BRD4: variants seen among roughly 807,000 people sequenced by gnomAD.
BRD4 encodes the protein bromodomain-containing protein 4.
A neutral mutation model predicts 142.1 loss-of-function variants in BRD4; 16 were observed. The observed-to-expected ratio is 0.11, with a 90% CI of 0.08 to 0.17. BRD4 has a LOEUF of 0.17. BRD4 is among the 10% of genes least tolerant of loss of function. BRD4 has a pLI of 1.00. For synonymous variants in BRD4, 833 were observed against 707.5 expected (o/e 1.18, Z -2.82); for missense variants, 1,424 against 1,810.9 (o/e 0.79, Z 3.88).
intron 7 of BRD4, 200 bp from the exon 8 acceptor site, chr19:15,257,373 T>C: frequency 1.7e-6 from 1 of 583,946 alleles, no homozygotes; most frequent in South Asian, 2.1e-5. Flanking sequence ...CACTCTTCTC[T>C]CAAATCTCAC....
rs2145516475 is a variant in BRD4 at position 15,244,470 on chromosome 19, G to A, written c.2342C>T (p.Pro781Leu). 2 of 1,546,068 alleles carry A rather than the reference G, an allele frequency of 1.3e-6. No individual in the cohort carries two copies. The highest frequency in any genetic ancestry group is 1.2e-5 in the South Asian group (1 of 85,252). Residue 781 changes from proline (P) to leucine (L), a missense_variant, in exon 13 of 20, where the codon CCC (proline) becomes CTC (leucine). Physicochemically the swap from Pro to Leu is moderately conservative, Grantham distance 98. Around this residue, in one of 16 missense-constraint regions of BRD4, gnomAD observed 598 missense variants for 647.8 expected, o/e 0.92. Transcript: ENST00000679869. ...QQQQQPPPPP[P>L]PPSMPQQAAP... The stretch of plus-strand genomic sequence containing the variant: ...TGCCTGCTGCGGCATGGAGGGTGGG[G>A]GAGGCGGGGGTGGCGGCTGCTGTTG...
rs767267574 is a variant in BRD4 at position 15,263,559 on chromosome 19, A to T, written c.1213-11T>A. ...GGCCTCCAGTTTAGACTGGAAAACA[A>T]GACAAGTCCCTGTTAGCTGTGTCTG... On this transcript the variant is annotated splice_polypyrimidine_tract_variant and intron_variant, in intron 6 of 19. Coordinates refer to ENST00000679869, the MANE Select transcript of BRD4 (RefSeq NM_001379291.1). The T allele has an allele frequency of 6.2e-7, 1 of 1,613,902 alleles. No homozygotes were observed. The highest frequency in any genetic ancestry group is 1.3e-5 in the African/African-American group (1 of 74,946).
At chr19:15,268,827 G>C (rs976077401) in intron 3 of BRD4, 78 bp downstream of exon 3, 3 of 1,541,208 alleles carry the variant, frequency 1.9e-6, no homozygotes, top group African/African-American at 1.4e-5. Context: ...CCCTGCCCAC[G>C]GGCTCCTGAC....
chr19:15,238,106 G>C lies in BRD4; in HGVS notation c.*271C>G. 1 of 493,104 alleles carries C rather than the reference G, an allele frequency of 2.0e-6. No individual in the cohort carries two copies. Among genetic ancestry groups the C allele is most frequent in the Non-Finnish European group, 3.6e-6 (1 of 274,118 alleles). The allele number at this position is 493,104 out of a possible 1,614,324, so 30.5% of individuals were successfully genotyped here. A position where few individuals can be genotyped will look rare whatever the true frequency, so the allele number is the denominator to read the frequency against. Reference sequence around the variant, plus strand: ...CCCGCATGTGGGGATGCAGGGCTTGGGTCCAGCCGGCACTTGCTCGTAACA... The same window carrying C: ...CCCGCATGTGGGGATGCAGGGCTTGCGTCCAGCCGGCACTTGCTCGTAACA... On this transcript the variant is annotated 3_prime_UTR_variant, in exon 20 of 20. Coordinates refer to ENST00000679869, the MANE Select transcript of BRD4 (RefSeq NM_001379291.1). The surrounding 1 kb of genome is among the most constrained non-coding windows in gnomAD (Gnocchi z 7.2).
intron 11 of BRD4, chr19:15,247,252 C>G (rs1486445256): frequency 4.3e-6 from 1 of 230,414 alleles, no homozygotes; most frequent in Admixed American, 5.7e-5. Context: ...GAGTCCCCAT[C>G]TGCACTGAGC....
chr19:15,321,586 G>C (rs1231854350), intron 1 of BRD4, among the ~76,000 whole-genome samples: 1 of 152,034 alleles, frequency 6.6e-6, no homozygotes, highest in Non-Finnish European at 1.5e-5. Context: ...AACAAGTACT[G>C]AAGTCATTGT....
chr19:15,328,701 G>A (rs1180185992), intron 1 of BRD4, among the ~76,000 whole-genome samples: 2 of 152,118 alleles, frequency 1.3e-5, no homozygotes, highest in African/African-American at 2.4e-5. Context: ...GCTCTTCTAG[G>A]CACAAGATAC....
chr19:15,328,636 T>C lies in BRD4; in HGVS notation c.-35+3654A>G, dbSNP rs115534410. 2.7e-3 allele frequency among the ~76,000 whole-genome samples: 410 copies of C among 152,364 alleles called. 3 individuals are homozygous for C. Among genetic ancestry groups the C allele is most frequent in the African/African-American group, 9.3e-3 (386 of 41,582 alleles). On this transcript the variant is annotated intron_variant, in intron 1 of 19. Transcript: ENST00000679869. ...ATTATTTGCATTTGGCATTACGGCA[T>C]GCAAAATTCTTGCTCAATTACTTCT...
In BRD4 at chr19:15,238,281, C is replaced by A; in HGVS notation, c.*96G>T. ...GCAGGAGGGCCAGGCCCTGAGGCATCCCCTGGCCGCTGATCCCACCTCCAC... is the reference window on the plus strand; with the variant it reads ...GCAGGAGGGCCAGGCCCTGAGGCATACCCTGGCCGCTGATCCCACCTCCAC... On this transcript the variant is annotated 3_prime_UTR_variant, in exon 20 of 20. Coordinates refer to ENST00000679869, the MANE Select transcript of BRD4 (RefSeq NM_001379291.1). The surrounding 1 kb of genome is among the most constrained non-coding windows in gnomAD (Gnocchi z 7.2). The A allele has an allele frequency of 3.2e-6, 5 of 1,570,114 alleles. No homozygotes were observed. Among genetic ancestry groups the A allele is most frequent in the Non-Finnish European group, 4.3e-6 (5 of 1,155,104 alleles).
chr19:15,310,363 C>CGT (rs1568407789), intron 1 of BRD4, among the ~76,000 whole-genome samples: 1 of 12,938 alleles, frequency 7.7e-5, no homozygotes, highest in African/African-American at 1.7e-4. Context: ...TGGATTCCCC[C>CGT]CCCCCCCCCC....
chr19:15,265,506 T>C lies in BRD4; in HGVS notation c.697A>G (p.Ile233Val). 6.2e-7 allele frequency: 1 copy of C among 1,612,912 alleles called. No individual in the cohort carries two copies. The change falls in exon 5 of 20, where the codon ATC becomes GTC. Residue 233 changes from isoleucine to valine, a missense_variant. Ile to Val is a conservative substitution (Grantham distance 29, BLOSUM62 3). This residue lies in a region of BRD4 where 140 missense variants were observed against 131.7 expected (regional missense o/e 1.06). Transcript: ENST00000679869. ...ACTGTCATGACAGGGGTCTGGACGA[T>C]GAGGTCCGGGGTGACGGCAGGGAAG... Reference protein sequence around the residue: ...HPFPAVTPDLIVQTPVMTVVP... With the variant: ...HPFPAVTPDLVVQTPVMTVVP...
chr19:15,271,584 C>T (rs2047587583), intron 2 of BRD4, among the ~76,000 whole-genome samples: 1 of 152,196 alleles, frequency 6.6e-6, no homozygotes, highest in Non-Finnish European at 1.5e-5. Context: ...TGCATCTGCT[C>T]TGAGAATTTC....
At chr19:15,294,487 G>GT (rs762513183) in intron 1 of BRD4, among the ~76,000 whole-genome samples, 1 of 152,272 alleles carries the variant, frequency 6.6e-6, no homozygotes. Flanking sequence ...GCGAAGCTTG[G>GT]TTATCTTGCC....
At chr19:15,331,858 CCCGCGGCGG>C (rs1389698771) in intron 1 of BRD4, 1 of 144,474 alleles carries the variant, frequency 6.9e-6, no homozygotes, top group African/African-American at 2.5e-5. Flanking sequence ...CGCCGCGGAC[CCCGCGGCGG>C]CCGCTTCCTC....
At chr19:15,290,352 G>A (rs1158463926) in intron 1 of BRD4, among the ~76,000 whole-genome samples, 6 of 152,026 alleles carry the variant, frequency 3.9e-5, no homozygotes, top group Admixed American at 6.6e-5. Flanking sequence ...TTTTTGATGC[G>A]CCTCCACTAA....
In BRD4 at chr19:15,244,643, C is replaced by T. The variant is rs767418028; in HGVS notation, c.2212-43G>A. ...GACAGACAGACAGGCTGATGTCAGG[C>T]AGGCAGAACTGGCCCGGGCCAGACC... On this transcript the variant is annotated intron_variant, in intron 12 of 19. Coordinates refer to ENST00000679869, the MANE Select transcript of BRD4 (RefSeq NM_001379291.1). 1.9e-6 allele frequency: 3 copies of T among 1,613,936 alleles called. No individual in the cohort carries two copies. The Admixed American group carries it at 5.0e-5, about 27-fold the overall frequency.
chr19:15,316,522 C>T (rs142347959), intron 1 of BRD4, among the ~76,000 whole-genome samples: 196 of 151,904 alleles, frequency 1.3e-3, no homozygotes, highest in African/African-American at 4.2e-3. Flanking sequence ...ACCTGGGAGA[C>T]GGAGGTTGCA....
intron 1 of BRD4, among the ~76,000 whole-genome samples, chr19:15,274,436 A>C (rs1184377581): frequency 6.6e-6 from 1 of 152,210 alleles, no homozygotes; most frequent in Admixed American, 6.5e-5. Flanking sequence ...GGGTACAAAG[A>C]GTGAGGCCAA....
Position 15,308,574 on chromosome 19 carries a change from G to A in BRD4, c.-35+23716C>T, listed in dbSNP as rs572311493. On this transcript the variant is annotated intron_variant, in intron 1 of 19. Transcript: ENST00000679869. ...TGCACTCCCGCCTGGGCAACAGAGC[G>A]AGAGTCTACCTAAAAAAAAAAAAAA... is the stretch of plus-strand genomic sequence containing the variant. 1.2e-3 allele frequency among the ~76,000 whole-genome samples: 174 copies of A among 147,126 alleles called. 2 individuals carry two copies. The South Asian group carries it at 0.019, about 16-fold the overall frequency.
Sources: allele counts gnomAD v4.1 joint callset (sites outside exome capture counted in the v4.1 genomes callset), GRCh38; gene constraint gnomAD v4.1.1; regional missense constraint gnomAD v4.1.1; non-coding constraint Gnocchi (gnomAD v3.1); transcripts MANE v1.5; gene names NCBI Gene and HGNC (gene_info 2026-07-23, HGNC 2026-07-21).